Variants in ABCC1 observed in about 807,000 individuals in gnomAD.
ABCC1 encodes multidrug resistance-associated protein 1.
A neutral mutation model predicts 172.9 loss-of-function variants in ABCC1; 83 were observed. The observed-to-expected ratio is 0.48, with a 90% CI of 0.40 to 0.58. ABCC1 has a LOEUF of 0.58. Ranked by LOEUF, ABCC1 falls within the 20% of genes least tolerant of loss-of-function variation. The probability of loss-of-function intolerance (pLI) is 0.00; values close to 1 mark genes in which losing one functional copy is unlikely to be tolerated. For missense variants in ABCC1, 1,817 were observed against 2,002.7 expected, an observed-to-expected ratio of 0.91 and a Z score of 1.77; for synonymous variants, 937 against 825.2, an observed-to-expected ratio of 1.14 and a Z score of -2.32.
At chr16:15,969,617 C>T (rs905914510) in intron 1 of ABCC1, among the ~76,000 whole-genome samples, 1 of 152,140 alleles carries the variant, frequency 6.6e-6, no homozygotes, top group Non-Finnish European at 1.5e-5. Flanking sequence ...GGTGATCCCC[C>T]CTGCCTCTGC....
chr16:16,118,993 G>A (rs886932664), intron 23 of ABCC1, among the ~76,000 whole-genome samples: 8 of 151,844 alleles, frequency 5.3e-5, no homozygotes, highest in Non-Finnish European at 8.8e-5. Context: ...TAACAGGACC[G>A]TGGAGAAATA....
At chr16:16,027,838 T>C (rs1185235702) in intron 5 of ABCC1, among the ~76,000 whole-genome samples, 1 of 152,122 alleles carries the variant, frequency 6.6e-6, no homozygotes. Flanking sequence ...GTGTACAGTT[T>C]TATGTTTCCA....
chr16:16,084,375 T>C (rs1434858055), intron 17 of ABCC1, among the ~76,000 whole-genome samples: 2 of 150,574 alleles, frequency 1.3e-5, no homozygotes, highest in Admixed American at 1.3e-4. Flanking sequence ...AGTTCTTTTT[T>C]TTTTTTGAAA....
At chr16:16,028,031 G>A (rs2151813411) in intron 5 of ABCC1, among the ~76,000 whole-genome samples, 1 of 152,216 alleles carries the variant, frequency 6.6e-6, no homozygotes, top group Admixed American at 6.5e-5. Flanking sequence ...GGCAAGCTGG[G>A]ATTGAGCCGT....
rs527688744 is a variant in ABCC1 at position 16,033,144 on chromosome 16, G to A, written c.651G>A (p.Ser217=). The change falls in exon 6 of 31, where the codon TCG becomes TCA. Residue 217 remains serine, a synonymous_variant. Coordinates refer to ENST00000399410, the MANE Select transcript of ABCC1 (RefSeq NM_004996.4). ...PCPESSASFL[S]RITFWWITGL... ...CAGAGTCCAGCGCTTCCTTCCTGTCGAGGATCACCTTCTGGTGGATCACAG... is the reference window on the plus strand; with the variant it reads ...CAGAGTCCAGCGCTTCCTTCCTGTCAAGGATCACCTTCTGGTGGATCACAG... The A allele has an allele frequency of 5.3e-4, 853 of 1,614,066 alleles. 13 individuals carry two copies. The South Asian group carries it at 8.9e-3, about 17-fold the overall frequency.
At chr16:16,088,151 GCA>G (rs2051093320) in intron 18 of ABCC1, among the ~76,000 whole-genome samples, 5 of 150,838 alleles carry the variant, frequency 3.3e-5, no homozygotes, top group Non-Finnish European at 7.4e-5. Flanking sequence ...GTGTGTGTGT[GCA>G]TGTATATAAA....
chr16:16,013,150 C>T (rs1343104231), intron 3 of ABCC1, among the ~76,000 whole-genome samples: 1 of 152,088 alleles, frequency 6.6e-6, no homozygotes, highest in Non-Finnish European at 1.5e-5. Flanking sequence ...CCTGAGATCT[C>T]TGGGATGGAA....
chr16:16,049,085 A>G (rs1374420603), intron 10 of ABCC1, among the ~76,000 whole-genome samples: 3 of 152,022 alleles, frequency 2.0e-5, no homozygotes, highest in Non-Finnish European at 4.4e-5. Context: ...GATCCAGGAG[A>G]TCAAGCAATG....
chr16:15,955,212 C>T (rs568973261), intron 1 of ABCC1, among the ~76,000 whole-genome samples: 41 of 152,206 alleles, frequency 2.7e-4, no homozygotes, highest in South Asian at 1.7e-3. Context: ...AAAAATTAGC[C>T]GAGCCTGGTG....
chr16:16,136,362 C>T (rs2045917265), intron 28 of ABCC1, 116 bp from the exon 29 acceptor site: 1 of 1,139,708 alleles, frequency 8.8e-7, no homozygotes, highest in South Asian at 1.6e-5. Context: ...ATAGTGATTC[C>T]AAGGAGCTCT....
intron 1 of ABCC1, among the ~76,000 whole-genome samples, chr16:15,996,910 A>G (rs2047075635): frequency 6.6e-6 from 1 of 152,094 alleles, no homozygotes; most frequent in Non-Finnish European, 1.5e-5. Context: ...ACATGACGCT[A>G]TGCAACAGGA....
intron 1 of ABCC1, among the ~76,000 whole-genome samples, chr16:15,984,256 A>C (rs1280470481): frequency 6.6e-6 from 1 of 152,196 alleles, no homozygotes; most frequent in Non-Finnish European, 1.5e-5. Flanking sequence ...TCCAAGGTCC[A>C]GTTTTTAAGT....
intron 1 of ABCC1, among the ~76,000 whole-genome samples, chr16:15,962,764 C>A (rs912706029): frequency 4.6e-5 from 7 of 152,308 alleles, no homozygotes; most frequent in African/African-American, 1.7e-4. Context: ...CAGTGAGGTC[C>A]CTCCACCAAC....
chr16:16,030,341 A>G (rs2151821905), intron 5 of ABCC1, among the ~76,000 whole-genome samples: 1 of 152,284 alleles, frequency 6.6e-6, no homozygotes, highest in African/African-American at 2.4e-5. Flanking sequence ...GTTCACCAAC[A>G]TGGTGAAACC....
chr16:16,129,522 T>C (rs1326818721), intron 26 of ABCC1, among the ~76,000 whole-genome samples: 1 of 150,138 alleles, frequency 6.7e-6, no homozygotes, highest in Non-Finnish European at 1.5e-5. Context: ...TTGGCGGTGG[T>C]GGTGGGGTTT....
chr16:15,973,799 G>A (rs1313562753), intron 1 of ABCC1, among the ~76,000 whole-genome samples: 1 of 151,172 alleles, frequency 6.6e-6, no homozygotes, highest in East Asian at 1.9e-4. Context: ...AACATAGCGA[G>A]ACCCAGTCTC....
At chr16:16,037,314 A>G (rs1221476814) in intron 7 of ABCC1, among the ~76,000 whole-genome samples, 2 of 152,056 alleles carry the variant, frequency 1.3e-5, no homozygotes, top group African/African-American at 4.8e-5. Context: ...TTTGAGGGTG[A>G]TTTTGGCTGT....
intron 1 of ABCC1, among the ~76,000 whole-genome samples, chr16:15,999,773 C>CTCTCAG (rs1567298557): frequency 1.3e-4 from 3 of 23,836 alleles, no homozygotes; most frequent in African/African-American, 2.9e-4. Flanking sequence ...GCCTCTTTCT[C>CTCTCAG]TCTCTCTCTC....
chr16:16,021,982 A>T (rs1015352676), intron 5 of ABCC1, among the ~76,000 whole-genome samples: 2 of 152,138 alleles, frequency 1.3e-5, no homozygotes, highest in Middle Eastern at 6.8e-3. Context: ...CAACGGGACA[A>T]CCTGTTTGCT....
Sources: allele counts gnomAD v4.1 joint callset (sites outside exome capture counted in the v4.1 genomes callset), GRCh38; gene constraint gnomAD v4.1.1; transcripts MANE v1.5; gene names NCBI Gene and HGNC (gene_info 2026-07-23, HGNC 2026-07-21).